Variants in AOAH observed in about 807,000 individuals in gnomAD.
AOAH encodes acyloxyacyl hydrolase.
A neutral mutation model predicts 92.2 loss-of-function variants in AOAH; 64 were observed. The ratio of observed to expected loss-of-function variants is 0.69; its 90% confidence interval spans 0.57 to 0.86. AOAH has a LOEUF of 0.86. AOAH is among the 40% of genes least tolerant of loss of function. The pLI is 0.00. For missense variants in AOAH, 656 were observed against 694.6 expected, an observed-to-expected ratio of 0.94 and a Z score of 0.62; for synonymous variants, 263 against 254.5, an observed-to-expected ratio of 1.03 and a Z score of -0.32.
At chr7:36,524,502 T>TA (rs11309945) in intron 19 of AOAH, among the ~76,000 whole-genome samples, 18 of 136,656 alleles carry the variant, frequency 1.3e-4, no homozygotes, top group African/African-American at 2.2e-4. Context: ...AAAGAAAACC[T>TA]AAAAAAAAAA....
chr7:36,540,498 G>A lies in AOAH; in HGVS notation c.1134-7C>T, dbSNP rs375325817. 18 of 1,600,554 alleles carry A rather than the reference G, an allele frequency of 1.1e-5. No individual in the cohort carries two copies. The highest frequency in any genetic ancestry group is 1.5e-5 in the Non-Finnish European group (18 of 1,173,610). On this transcript the variant is annotated splice_region_variant and splice_polypyrimidine_tract_variant and intron_variant, in intron 15 of 20. Coordinates refer to ENST00000617537, the MANE Select transcript of AOAH (RefSeq NM_001637.4). ...TGGGACTGGGTCACTCTTCCTGTTG[G>A]TGGAATAAACAGAAAATATCTTGGT...
At chr7:36,654,503 C>G (rs1223234348) in intron 4 of AOAH, among the ~76,000 whole-genome samples, 2 of 152,078 alleles carry the variant, frequency 1.3e-5, no homozygotes, top group Non-Finnish European at 2.9e-5. Context: ...TCACTGTGAG[C>G]CCCAAATGCA....
At chr7:36,534,332 C>T (rs185529389) in intron 16 of AOAH, among the ~76,000 whole-genome samples, 3 of 152,226 alleles carry the variant, frequency 2.0e-5, no homozygotes, top group Non-Finnish European at 4.4e-5. Context: ...TGTCGCCTGG[C>T]TCCACCTCCA....
At chr7:36,631,764 T>C (rs1169329911) in intron 6 of AOAH, among the ~76,000 whole-genome samples, 1 of 152,134 alleles carries the variant, frequency 6.6e-6, no homozygotes, top group African/African-American at 2.4e-5. Flanking sequence ...GGCAGGCACT[T>C]GCCGGCAGTG....
chr7:36,639,343 T>G (rs1793741077), intron 4 of AOAH, among the ~76,000 whole-genome samples: 1 of 152,132 alleles, frequency 6.6e-6, no homozygotes, highest in African/African-American at 2.4e-5. Context: ...TTCCCCACAT[T>G]TTAAAATGTG....
chr7:36,627,545 C>CA (rs146066329), intron 6 of AOAH, among the ~76,000 whole-genome samples: 3,176 of 145,752 alleles, frequency 0.022, 35 homozygotes, highest in South Asian at 0.026. Context: ...GGAAAGCACT[C>CA]AAAAAAAAAA....
intron 1 of AOAH, among the ~76,000 whole-genome samples, chr7:36,720,037 G>T (rs2117037493): frequency 6.6e-6 from 1 of 152,124 alleles, no homozygotes; most frequent in East Asian, 1.9e-4. Context: ...TGTGGCCTGG[G>T]TTCTTTCAGC....
At chr7:36,676,342 G>A (rs1402381820) in intron 2 of AOAH, among the ~76,000 whole-genome samples, 2 of 152,056 alleles carry the variant, frequency 1.3e-5, no homozygotes, top group African/African-American at 2.4e-5. Context: ...TGAAATTAAG[G>A]AAAACAATTC....
intron 14 of AOAH, 65 bp from the exon 15 acceptor site, chr7:36,548,751 A>G: frequency 6.9e-7 from 1 of 1,452,584 alleles, no homozygotes; most frequent in Non-Finnish European, 9.7e-7. Flanking sequence ...AGCCAGTGAC[A>G]CAGGCTGGGC....
intron 13 of AOAH, among the ~76,000 whole-genome samples, chr7:36,571,502 A>G (rs999301674): frequency 1.3e-5 from 2 of 152,076 alleles, no homozygotes; most frequent in African/African-American, 4.8e-5. Context: ...TCTCCTGGTT[A>G]ATTCCTATCC....
intron 12 of AOAH, among the ~76,000 whole-genome samples, chr7:36,588,340 C>A (rs1016031720): frequency 1.3e-5 from 2 of 152,206 alleles, no homozygotes; most frequent in Non-Finnish European, 2.9e-5. Flanking sequence ...TTGTGGACCC[C>A]CTGAGAGGGT....
chr7:36,537,262 T>C (rs898658509), intron 16 of AOAH, among the ~76,000 whole-genome samples: 6 of 150,022 alleles, frequency 4.0e-5, no homozygotes, highest in Non-Finnish European at 7.4e-5. Flanking sequence ...CCAAAACTAC[T>C]GATGTTTCTG....
chr7:36,683,616 A>T (rs1796781703), intron 2 of AOAH, among the ~76,000 whole-genome samples: 2 of 152,270 alleles, frequency 1.3e-5, no homozygotes, highest in Middle Eastern at 6.8e-3. Context: ...ATGATTGGAG[A>T]TTTTAATTCT....
At chr7:36,628,944 C>A (rs1775938950) in intron 6 of AOAH, among the ~76,000 whole-genome samples, 1 of 152,200 alleles carries the variant, frequency 6.6e-6, no homozygotes, top group African/African-American at 2.4e-5. Context: ...CAGATTCATC[C>A]ATTACCGGAT....
Position 36,724,222 on chromosome 7 carries a change from C to A in AOAH, c.-74G>T. ...CTGAGGGATGCTGGAGCTGAGGCTG[C>A]AGAATCAATTGATCTCTCTCTCCTT... is the stretch of plus-strand genomic sequence containing the variant. On this transcript the variant is annotated 5_prime_UTR_variant, in exon 1 of 21. Transcript: ENST00000617537. 6.4e-7 allele frequency: 1 copy of A among 1,569,590 alleles called. No homozygotes were observed. Among genetic ancestry groups the A allele is most frequent in the Non-Finnish European group, 8.7e-7 (1 of 1,147,026 alleles).
chr7:36,671,595 A>G (rs1795928694), intron 3 of AOAH, among the ~76,000 whole-genome samples: 1 of 149,338 alleles, frequency 6.7e-6, no homozygotes, highest in South Asian at 2.1e-4. Context: ...GCATGTGCTC[A>G]TGCGTGTGTG....
rs146066329 is a variant in AOAH, at chr7:36,627,545, C to CAAA, written c.522-4298_522-4296dup. 6.4e-3 allele frequency among the ~76,000 whole-genome samples: 936 copies of CAAA among 145,790 alleles called. 9 individuals are homozygous for CAAA. Among genetic ancestry groups the CAAA allele is most frequent in the African/African-American group, 0.022 (869 of 39,706 alleles). ...CTATTTCTTAGACATGGAAAGCACT[C>CAAA]AAAAAAAAAACAAAACAAAACACAT... On this transcript the variant is annotated intron_variant, in intron 6 of 20. Coordinates refer to ENST00000617537, the MANE Select transcript of AOAH (RefSeq NM_001637.4).
chr7:36,619,421 T>A (rs2116030511), intron 9 of AOAH, among the ~76,000 whole-genome samples: 2 of 152,338 alleles, frequency 1.3e-5, no homozygotes, highest in South Asian at 4.1e-4. Context: ...CCTTCCTCCT[T>A]ATATGGGTGA....
chr7:36,651,862 A>G (rs1794596368), intron 4 of AOAH, among the ~76,000 whole-genome samples: 4 of 152,228 alleles, frequency 2.6e-5, no homozygotes, highest in Admixed American at 2.6e-4. Context: ...TAGAGATATC[A>G]GTATGAGCTC....
Sources: gnomAD v4.1 joint callset for allele counts (sites outside exome capture counted in the v4.1 genomes callset) on GRCh38, gnomAD v4.1.1 for gene constraint, MANE v1.5 for transcripts, NCBI Gene and HGNC (gene_info 2026-07-23, HGNC 2026-07-21) for gene names.